The following RIC1 variants were observed in gnomAD, a reference collection of about 807,000 sequenced individuals.
RIC1 encodes the protein RIC1 partner of RAB6A GEF complex.
Under a neutral mutation model 169.0 loss-of-function variants are expected in RIC1, and 88 were observed. The ratio of observed to expected loss-of-function variants is 0.52; its 90% CI spans 0.44 to 0.62. RIC1 has a LOEUF of 0.62. RIC1 is among the 20% of genes least tolerant of loss of function. The probability of loss-of-function intolerance (pLI) is 0.00; values close to 1 mark genes in which losing one functional copy is unlikely to be tolerated. For synonymous variants in RIC1, 790 were observed against 601.5 expected (o/e 1.31, Z -4.59); for missense variants, 1,877 against 1,725.5 (o/e 1.09, Z -1.56).
Position 5,740,828 on chromosome 9 carries a change from C to T in RIC1, c.902-2041C>T, listed in dbSNP as rs1487891389. Among the ~76,000 whole-genome samples, 6 of 152,140 alleles carry T rather than the reference C, an allele frequency of 3.9e-5. No individual in the cohort carries two copies. In the East Asian group the frequency reaches 1.2e-3, roughly 29 times the overall value. ...ACACCCGGGATTAATACTTTGTATC[C>T]TTCAATTCAGTCAAGTTGACACTCA... On this transcript the variant is annotated intron_variant, in intron 8 of 25. Transcript: ENST00000414202.
At chr9:5,738,996 T>C (rs1201367260) in intron 8 of RIC1, among the ~76,000 whole-genome samples, 1 of 152,166 alleles carries the variant, frequency 6.6e-6, no homozygotes, top group Non-Finnish European at 1.5e-5. Context: ...TTAAATTTTG[T>C]AGTTGAGTGA....
At chr9:5,713,819 A>T (rs1264736940) in intron 3 of RIC1, 77 bp from the exon 4 acceptor site, 1 of 822,898 alleles carries the variant, frequency 1.2e-6, no homozygotes, top group African/African-American at 1.7e-5. Flanking sequence ...CATTTACTTT[A>T]TTTGATTGTA....
intron 12 of RIC1, among the ~76,000 whole-genome samples, chr9:5,750,419 A>T (rs1449274873): frequency 6.6e-6 from 1 of 151,874 alleles, no homozygotes; most frequent in East Asian, 1.9e-4. Context: ...GCACTATGTT[A>T]GGGATTTCAA....
At chr9:5,663,443 A>G (rs926689338) in intron 2 of RIC1, among the ~76,000 whole-genome samples, 14 of 152,054 alleles carry the variant, frequency 9.2e-5, no homozygotes, top group Admixed American at 2.0e-4. Context: ...TGCTACTATT[A>G]TTGTGTGGGA....
At chr9:5,713,864 ATCTT>A in intron 3 of RIC1, 28 bp from the exon 4 acceptor site, 1 of 1,505,898 alleles carries the variant, frequency 6.6e-7, no homozygotes, top group East Asian at 2.3e-5. Context: ...CAAATTCAGC[ATCTT>A]TCTTTAACTC....
intron 1 of RIC1, among the ~76,000 whole-genome samples, chr9:5,650,960 C>T (rs1212995559): frequency 6.6e-6 from 1 of 152,162 alleles, no homozygotes; most frequent in Non-Finnish European, 1.5e-5. Context: ...CTCTTGTGCT[C>T]AAGGGCAGGA....
At chr9:5,722,344 AGAGAGTGT>A (rs1325449284) in intron 6 of RIC1, among the ~76,000 whole-genome samples, 1 of 69,258 alleles carries the variant, frequency 1.4e-5, no homozygotes, top group African/African-American at 6.4e-5. Flanking sequence ...TATAAGAGAG[AGAGAGTGT>A]GTGTGTGTGT....
chr9:5,723,658 T>C (rs200120800), intron 6 of RIC1, among the ~76,000 whole-genome samples: 3 of 152,284 alleles, frequency 2.0e-5, no homozygotes, highest in Middle Eastern at 3.4e-3. Context: ...AATGGTATTG[T>C]CTAGGTTTTC....
intron 1 of RIC1, among the ~76,000 whole-genome samples, chr9:5,637,142 C>G (rs574975179): frequency 6.6e-6 from 1 of 152,282 alleles, no homozygotes; most frequent in Non-Finnish European, 1.5e-5. Context: ...TCACTGCAAT[C>G]TCTGCCTACT....
rs76470189 is a variant in RIC1 at position 5,677,004 on chromosome 9, G to C, written c.253-12955G>C. ...CATGAACATTGATGTACAAGTCTTT[G>C]TATGGATGCGTATTTCCTTTTCTGT... On this transcript the variant is annotated intron_variant, in intron 2 of 25. Coordinates refer to ENST00000414202, the MANE Select transcript of RIC1 (RefSeq NM_020829.4). Among the ~76,000 whole-genome samples, 1,383 of 152,282 alleles carry C rather than the reference G, an allele frequency of 9.1e-3. 20 individuals carry two copies. The highest frequency in any genetic ancestry group is 0.032 in the African/African-American group (1,323 of 41,558).
chr9:5,768,779 G>T (rs1016482906), intron 21 of RIC1, among the ~76,000 whole-genome samples, 191 bp from the exon 22 acceptor site: 1 of 152,086 alleles, frequency 6.6e-6, no homozygotes, highest in African/African-American at 2.4e-5. Context: ...TGTGTCTTAA[G>T]AGCCTTCTGT....
chr9:5,731,491 AT>A (rs1360702841), intron 6 of RIC1, among the ~76,000 whole-genome samples: 3 of 152,158 alleles, frequency 2.0e-5, no homozygotes, highest in Non-Finnish European at 4.4e-5. Flanking sequence ...TGTATCTTTA[AT>A]GTTTACTATT....
chr9:5,712,991 A>G (rs939362898), intron 3 of RIC1: 1 of 152,230 alleles, frequency 6.6e-6, no homozygotes, highest in African/African-American at 2.4e-5. Context: ...AAAAATAAGT[A>G]AGAAAGAAAA....
intron 2 of RIC1, among the ~76,000 whole-genome samples, chr9:5,685,640 G>A (rs1010198379): frequency 7.1e-4 from 108 of 151,818 alleles, no homozygotes; most frequent in Non-Finnish European, 1.4e-3. Context: ...ATGGATTAAA[G>A]ATTTAAATGT....
chr9:5,668,080 C>G (rs1290227229), intron 2 of RIC1, among the ~76,000 whole-genome samples: 1 of 152,148 alleles, frequency 6.6e-6, no homozygotes, highest in Non-Finnish European at 1.5e-5. Flanking sequence ...AAACATGTCC[C>G]TCTTCACGTG....
Position 5,770,280 on chromosome 9 carries a change from TAA to T in RIC1, c.3616+4_3616+5del, listed in dbSNP as rs1827119235. The T allele has an allele frequency of 1.2e-6, 2 of 1,609,706 alleles. No homozygotes were observed. Among genetic ancestry groups the T allele is most frequent in the Non-Finnish European group, 1.7e-6 (2 of 1,177,334 alleles). Reference sequence around the variant, plus strand: ...TCTTGTCACCTTTATCTAATAAAGGTAAATGTAATTTTAAATCCTAGCTCTTC... The same window carrying T: ...TCTTGTCACCTTTATCTAATAAAGGTATGTAATTTTAAATCCTAGCTCTTC... On this transcript the variant is annotated splice_donor_region_variant and intron_variant, in intron 23 of 25. Transcript: ENST00000414202.
At chr9:5,713,661 G>A in intron 3 of RIC1, 1 of 296,476 alleles carries the variant, frequency 3.4e-6, no homozygotes, top group Middle Eastern at 9.9e-4. Context: ...CAGATTCTCT[G>A]CTCTTCTTCC....
chr9:5,746,102 C>T lies in RIC1; in HGVS notation c.1248+19C>T. 1.3e-6 allele frequency: 2 copies of T among 1,582,844 alleles called. No individual in the cohort carries two copies. Among genetic ancestry groups the T allele is most frequent in the Non-Finnish European group, 1.7e-6 (2 of 1,157,992 alleles). ...TTGTATGGTAAGTATATTTAAAGCT[C>T]TGATTTTTTAGTGTCTTTTGTGTTA... On this transcript the variant is annotated intron_variant, in intron 11 of 25. Coordinates refer to ENST00000414202, the MANE Select transcript of RIC1 (RefSeq NM_020829.4).
intron 2 of RIC1, among the ~76,000 whole-genome samples, chr9:5,686,483 T>C (rs979537510): frequency 2.0e-5 from 3 of 152,064 alleles, no homozygotes; most frequent in Admixed American, 2.0e-4. Flanking sequence ...TGTAGAGACA[T>C]GGATGAAATT....
Sources: allele counts gnomAD v4.1 joint callset (sites outside exome capture counted in the v4.1 genomes callset), GRCh38; gene constraint gnomAD v4.1.1; transcripts MANE v1.5; gene names NCBI Gene and HGNC (gene_info 2026-07-23, HGNC 2026-07-21).